The following NOL4 variants were observed in gnomAD, a reference collection of about 807,000 sequenced individuals.
NOL4 encodes the protein cancer/testis antigen 125.
Under a neutral mutation model 75.9 loss-of-function variants are expected in NOL4, and 17 were observed. The observed-to-expected ratio is 0.22, with a 90% CI of 0.15 to 0.34. NOL4 has a LOEUF of 0.34. Ranked by LOEUF, NOL4 falls within the 10% of genes least tolerant of loss-of-function variation. The pLI is 1.00. For missense variants in NOL4, 614 were observed against 793.5 expected, an observed-to-expected ratio of 0.77 and a Z score of 2.72; for synonymous variants, 292 against 289.9, an observed-to-expected ratio of 1.01 and a Z score of -0.07.
chr18:34,029,509 G>C (rs1410313877), intron 5 of NOL4, among the ~76,000 whole-genome samples: 1 of 152,146 alleles, frequency 6.6e-6, no homozygotes, highest in Non-Finnish European at 1.5e-5. Context: ...CTGATTGAAT[G>C]GCTTTCTCCA....
chr18:33,861,216 T>G (rs1260647854), intron 10 of NOL4, among the ~76,000 whole-genome samples: 2 of 152,166 alleles, frequency 1.3e-5, no homozygotes, highest in African/African-American at 4.8e-5. Flanking sequence ...ATGGTACCAG[T>G]TCCTCCTTGT....
At chr18:34,133,938 G>A (rs1289149048) in intron 1 of NOL4, among the ~76,000 whole-genome samples, 1 of 152,044 alleles carries the variant, frequency 6.6e-6, no homozygotes, top group Non-Finnish European at 1.5e-5. Context: ...CAGGAGAATC[G>A]CTTGAACCTG....
intron 9 of NOL4, among the ~76,000 whole-genome samples, chr18:33,883,668 A>G (rs2064451446): frequency 6.6e-6 from 1 of 152,142 alleles, no homozygotes; most frequent in African/African-American, 2.4e-5. Flanking sequence ...ATAAAATGAC[A>G]TGAAGAAAGT....
chr18:34,128,651 A>G (rs558497267), intron 2 of NOL4, among the ~76,000 whole-genome samples: 6 of 151,952 alleles, frequency 3.9e-5, no homozygotes, highest in Non-Finnish European at 7.4e-5. Context: ...GAAACTTACA[A>G]TAGTGCCTGC....
chr18:34,161,030 T>C (rs12961908), intron 1 of NOL4, among the ~76,000 whole-genome samples: 28,794 of 152,112 alleles, frequency 0.19, 2,930 homozygotes, highest in Middle Eastern at 0.24. Context: ...TTCTATGAGA[T>C]CAACTTTCTT....
Position 34,158,594 on chromosome 18 carries a change from C to T in NOL4, c.265-28574G>A, listed in dbSNP as rs561170865. 10 of 152,148 alleles carry T rather than the reference C, an allele frequency of 6.6e-5. No homozygotes were observed. The East Asian group carries it at 1.9e-3, about 29-fold the overall frequency. 9.4% of individuals were successfully genotyped at this position (152,148 alleles called of 1,614,324 possible). On this transcript the variant is annotated intron_variant, in intron 1 of 10. Coordinates refer to ENST00000261592, the MANE Select transcript of NOL4 (RefSeq NM_003787.5). ...AGCTCGTTTTTACGTACTATGTATC[C>T]CAGATATCCTGACACAGAATTGTTC...
At chr18:33,905,838 G>C (rs1437005179) in intron 9 of NOL4, among the ~76,000 whole-genome samples, 1 of 152,130 alleles carries the variant, frequency 6.6e-6, no homozygotes, top group South Asian at 2.1e-4. Context: ...CCTTAGCCAG[G>C]TCAAATGGTT....
At chr18:33,960,466 T>C (rs576983555) in intron 6 of NOL4, among the ~76,000 whole-genome samples, 1 of 152,212 alleles carries the variant, frequency 6.6e-6, no homozygotes, top group Non-Finnish European at 1.5e-5. Flanking sequence ...TGGTTAGTAG[T>C]AATTTCTAAA....
At chr18:33,896,666 C>T (rs1038427176) in intron 9 of NOL4, among the ~76,000 whole-genome samples, 11 of 151,982 alleles carry the variant, frequency 7.2e-5, no homozygotes, top group African/African-American at 1.9e-4. Context: ...TTATCCAAGC[C>T]TTGGAAGACA....
chr18:34,146,244 T>A (rs2081386528), intron 1 of NOL4, among the ~76,000 whole-genome samples: 1 of 151,970 alleles, frequency 6.6e-6, no homozygotes, highest in Non-Finnish European at 1.5e-5. Flanking sequence ...ACTGCTCTAG[T>A]GCCTATTAAA....
intron 9 of NOL4, among the ~76,000 whole-genome samples, chr18:33,926,358 CAAAAAAAA>C (rs67803985): frequency 1.1e-4 from 5 of 46,528 alleles, no homozygotes; most frequent in South Asian, 3.0e-3. Flanking sequence ...GACTCCATCT[CAAAAAAAA>C]AAAAAAAAAA....
intron 6 of NOL4, among the ~76,000 whole-genome samples, chr18:33,997,859 A>G (rs897379507): frequency 1.3e-5 from 2 of 151,774 alleles, no homozygotes; most frequent in East Asian, 3.9e-4. Flanking sequence ...AAAACAACCC[A>G]AATGTCCATC....
chr18:34,139,628 G>C (rs1006570243), intron 1 of NOL4, among the ~76,000 whole-genome samples: 1 of 151,998 alleles, frequency 6.6e-6, no homozygotes, highest in African/African-American at 2.4e-5. Context: ...TAAAAAACCA[G>C]CTCCTGGATT....
intron 9 of NOL4, among the ~76,000 whole-genome samples, chr18:33,895,023 A>G (rs1365516089): frequency 2.6e-5 from 4 of 152,166 alleles, no homozygotes; most frequent in African/African-American, 7.2e-5. Context: ...AGATATGTCA[A>G]TTAGCTTGAT....
At chr18:34,222,531 C>A (rs1384608027) in intron 1 of NOL4, 1 of 803,468 alleles carries the variant, frequency 1.2e-6, no homozygotes, top group Non-Finnish European at 1.5e-6. Context: ...GGGCTTTATG[C>A]CAATAAGGAG....
At chr18:34,106,004 A>G (rs1361007607) in intron 2 of NOL4, among the ~76,000 whole-genome samples, 1 of 152,124 alleles carries the variant, frequency 6.6e-6, no homozygotes, top group Non-Finnish European at 1.5e-5. Flanking sequence ...ACAGTGACTC[A>G]GACAGTGCTA....
rs564365538 is a variant in NOL4, at chr18:34,039,128, T to C, written c.773-19527A>G. ...ATTATAGTTATATCATATCTTATTCTGGAATTTGAACAATTTTGGATATTC... is the reference window on the plus strand; with the variant it reads ...ATTATAGTTATATCATATCTTATTCCGGAATTTGAACAATTTTGGATATTC... On this transcript the variant is annotated intron_variant, in intron 5 of 10. Coordinates refer to ENST00000261592, the MANE Select transcript of NOL4 (RefSeq NM_003787.5). Among the ~76,000 whole-genome samples, 274 of 152,176 alleles carry C rather than the reference T, an allele frequency of 1.8e-3. 2 individuals carry two copies. Among genetic ancestry groups the C allele is most frequent in the African/African-American group, 6.2e-3 (257 of 41,570 alleles).
At chr18:33,945,509 G>A (rs933746597) in intron 8 of NOL4, among the ~76,000 whole-genome samples, 3 of 151,652 alleles carry the variant, frequency 2.0e-5, no homozygotes, top group African/African-American at 7.3e-5. Context: ...AAGTTGTTAT[G>A]CATAATAATT....
At chr18:34,054,283 T>A (rs1324554209) in intron 5 of NOL4, among the ~76,000 whole-genome samples, 1 of 151,872 alleles carries the variant, frequency 6.6e-6, no homozygotes. Flanking sequence ...GTTCTATCCA[T>A]TATTAAAAGT....
Sources: allele counts gnomAD v4.1 joint callset (sites outside exome capture counted in the v4.1 genomes callset), GRCh38; gene constraint gnomAD v4.1.1; transcripts MANE v1.5; gene names NCBI Gene and HGNC (gene_info 2026-07-23, HGNC 2026-07-21).